CNBD1: variants seen among roughly 807,000 people sequenced by gnomAD.
CNBD1 encodes cyclic nucleotide binding domain containing 1.
CNBD1 carries 71 observed loss-of-function variants against 54.4 expected under a neutral mutation model. That is an observed-to-expected ratio of 1.30 (90% CI 1.08 to 1.59). The LOEUF is 1.59. Ranked by LOEUF, CNBD1 falls within the 40% of genes most tolerant of loss-of-function variation. CNBD1 has a pLI of 0.00. For missense variants in CNBD1, 659 were observed against 518.0 expected (o/e 1.27, Z -2.64); for synonymous variants, 182 against 170.7 (o/e 1.07, Z -0.51).
intron 1 of CNBD1, among the ~76,000 whole-genome samples, chr8:86,871,289 C>T (rs1213627421): frequency 6.6e-6 from 1 of 152,186 alleles, no homozygotes; most frequent in East Asian, 1.9e-4. Flanking sequence ...CTGCCTATAT[C>T]AGAGATTAGT....
Position 87,206,002 on chromosome 8 carries a change from C to G in CNBD1, c.441C>G (p.His147Gln). Residue 147 changes from histidine (H) to glutamine (Q), a missense_variant, in exon 5 of 11, where the codon CAC becomes CAG. By Grantham distance (24) the His-to-Gln change is conservative (BLOSUM62 0). Transcript: ENST00000518476. ...TTTTTTTTTTTTTGAGGCCCATTCA[C>G]AGGACGCCATATGAACACAAAACTG... The part of the protein sequence containing the change: ...FLAILKKLPI[H>Q]RTPYEHKTVW... 1.3e-6 allele frequency: 2 copies of G among 1,513,834 alleles called. No homozygotes were observed. Among genetic ancestry groups the G allele is most frequent in the Non-Finnish European group, 8.8e-7 (1 of 1,135,418 alleles). The allele number at this position is 1,513,834 out of a possible 1,614,324, so 93.8% of individuals were successfully genotyped here.
At chr8:87,214,908 G>A (rs1305558257) in intron 5 of CNBD1, among the ~76,000 whole-genome samples, 1 of 152,098 alleles carries the variant, frequency 6.6e-6, no homozygotes, top group African/African-American at 2.4e-5. Flanking sequence ...GGGAATTATG[G>A]GAGCTACAAT....
chr8:87,192,722 A>G (rs907306098), intron 4 of CNBD1, among the ~76,000 whole-genome samples: 2 of 152,170 alleles, frequency 1.3e-5, no homozygotes, highest in East Asian at 3.8e-4. Flanking sequence ...AGCCCTATGG[A>G]TTCCTAATTG....
intron 4 of CNBD1, among the ~76,000 whole-genome samples, chr8:86,955,799 T>C (rs566340665): frequency 5.1e-4 from 77 of 152,342 alleles, no homozygotes; most frequent in Non-Finnish European, 1.6e-4. Flanking sequence ...GCACTGATGG[T>C]AGTTTCTTTT....
intron 10 of CNBD1, among the ~76,000 whole-genome samples, chr8:87,362,296 C>A (rs568079172): frequency 1.3e-5 from 2 of 151,992 alleles, no homozygotes; most frequent in Non-Finnish European, 2.9e-5. Flanking sequence ...GCCAAGAATG[C>A]TTGAATGAGA....
intron 4 of CNBD1, among the ~76,000 whole-genome samples, chr8:87,103,511 C>G (rs1472277276): frequency 6.6e-6 from 1 of 152,134 alleles, no homozygotes; most frequent in Non-Finnish European, 1.5e-5. Context: ...TTCTGCAGGG[C>G]TAGAGAGGCC....
At chr8:87,259,229 C>T (rs550698381) in intron 6 of CNBD1, among the ~76,000 whole-genome samples, 4 of 152,110 alleles carry the variant, frequency 2.6e-5, no homozygotes, top group African/African-American at 4.8e-5. Flanking sequence ...TTAAACAACC[C>T]GTCACTTTAG....
chr8:87,134,594 CTTTTTTTTT>C (rs1167232265), intron 4 of CNBD1, among the ~76,000 whole-genome samples: 6 of 86,964 alleles, frequency 6.9e-5, no homozygotes, highest in African/African-American at 2.6e-4. Context: ...ATTAGATTAC[CTTTTTTTTT>C]TTTTTTTTTT....
intron 5 of CNBD1, among the ~76,000 whole-genome samples, chr8:87,223,714 G>C (rs1258898507): frequency 3.9e-5 from 6 of 151,952 alleles, no homozygotes; most frequent in Admixed American, 3.9e-4. Context: ...GTGTGCATGT[G>C]TCTTTATAGC....
intron 8 of CNBD1, among the ~76,000 whole-genome samples, chr8:87,317,521 GTTA>G (rs1410011001): frequency 2.6e-5 from 4 of 151,280 alleles, no homozygotes; most frequent in South Asian, 2.1e-4. Context: ...TTTTCTATAT[GTTA>G]TTATTAATTG....
chr8:87,264,240 A>C (rs1395897807), intron 6 of CNBD1, among the ~76,000 whole-genome samples: 2 of 151,592 alleles, frequency 1.3e-5, no homozygotes, highest in African/African-American at 4.9e-5. Flanking sequence ...GAGTGAGAAC[A>C]TGTGGTGTTT....
intron 4 of CNBD1, among the ~76,000 whole-genome samples, chr8:86,979,748 T>C (rs1808432863): frequency 6.6e-6 from 1 of 152,210 alleles, no homozygotes; most frequent in Non-Finnish European, 1.5e-5. Flanking sequence ...TCCCATAAGG[T>C]ATGTTCTTCT....
At chr8:87,352,093 C>A (rs1311497505) in intron 9 of CNBD1, among the ~76,000 whole-genome samples, 2 of 152,074 alleles carry the variant, frequency 1.3e-5, no homozygotes, top group Non-Finnish European at 2.9e-5. Flanking sequence ...TACAAACATA[C>A]CAGATTGGCT....
intron 4 of CNBD1, among the ~76,000 whole-genome samples, chr8:86,952,620 T>C (rs764713389): frequency 1.3e-5 from 2 of 151,874 alleles, no homozygotes; most frequent in African/African-American, 2.4e-5. Context: ...TGTTATTAAA[T>C]GTATAAGCAT....
At position 87,339,495 on chromosome 8, in the gene CNBD1, T is replaced by G. The variant is rs535194089; in HGVS notation, c.1043-12190T>G. ...CAGTGGTTTTCTCTGTGACCTCACT[T>G]TTTTTAAGGATGTATGAAGAGTTGC... On this transcript the variant is annotated intron_variant, in intron 8 of 10. Coordinates refer to ENST00000518476, the MANE Select transcript of CNBD1 (RefSeq NM_173538.3). 5.9e-5 allele frequency among the ~76,000 whole-genome samples: 9 copies of G among 152,292 alleles called. No individual in the cohort carries two copies. In the East Asian group the frequency reaches 1.7e-3, roughly 29 times the overall value.
intron 4 of CNBD1, among the ~76,000 whole-genome samples, chr8:87,061,198 A>G (rs1176815354): frequency 6.6e-6 from 1 of 152,184 alleles, no homozygotes; most frequent in East Asian, 1.9e-4. Flanking sequence ...ACACTCACCA[A>G]TCGGTGCTGG....
At chr8:87,033,442 A>T (rs1414244905) in intron 4 of CNBD1, among the ~76,000 whole-genome samples, 1 of 152,192 alleles carries the variant, frequency 6.6e-6, no homozygotes, top group Non-Finnish European at 1.5e-5. Context: ...TATTGATGAA[A>T]TCAGTCCAGA....
At chr8:86,980,326 C>G (rs1318149786) in intron 4 of CNBD1, among the ~76,000 whole-genome samples, 1 of 152,212 alleles carries the variant, frequency 6.6e-6, no homozygotes, top group Non-Finnish European at 1.5e-5. Flanking sequence ...CAAGCTTATG[C>G]CCTCTCTGAC....
intron 8 of CNBD1, among the ~76,000 whole-genome samples, chr8:87,316,197 A>C (rs1809381185): frequency 6.6e-6 from 1 of 152,144 alleles, no homozygotes; most frequent in African/African-American, 2.4e-5. Flanking sequence ...GCATACATAA[A>C]AAAGAAATTG....
Sources: gnomAD v4.1 joint callset for allele counts (sites outside exome capture counted in the v4.1 genomes callset) on GRCh38, gnomAD v4.1.1 for gene constraint, MANE v1.5 for transcripts, NCBI Gene and HGNC (gene_info 2026-07-23, HGNC 2026-07-21) for gene names.